The following DSE variants were observed in gnomAD, a reference collection of about 807,000 sequenced individuals.
The protein encoded by DSE is dermatan-sulfate epimerase.
Under a neutral mutation model 84.4 loss-of-function variants are expected in DSE, and 36 were observed. The observed-to-expected ratio is 0.43, with a 90% CI of 0.33 to 0.56. The LOEUF is 0.56. Ranked by LOEUF, DSE falls within the 20% of genes least tolerant of loss-of-function variation. The probability of loss-of-function intolerance (pLI) is 0.06; values close to 1 mark genes in which losing one functional copy is unlikely to be tolerated. For synonymous variants in DSE, 410 were observed against 430.1 expected (o/e 0.95, Z 0.58); for missense variants, 862 against 1,169.6 (o/e 0.74, Z 3.84).
chr6:116,293,489 T>C (rs1415459248), intron 2 of DSE, among the ~76,000 whole-genome samples: 1 of 152,094 alleles, frequency 6.6e-6, no homozygotes, highest in South Asian at 2.1e-4. Context: ...TTTGTTTTTC[T>C]TAATTCTGGA....
At chr6:116,352,849 C>T (rs1312140658) in intron 2 of DSE, among the ~76,000 whole-genome samples, 4 of 152,274 alleles carry the variant, frequency 2.6e-5, no homozygotes, top group African/African-American at 9.6e-5. Context: ...CTTTCCAGCC[C>T]ACCCCACGTA....
chr6:116,420,388 G>A (rs1662962019), intron 2 of DSE, among the ~76,000 whole-genome samples: 2 of 152,192 alleles, frequency 1.3e-5, no homozygotes, highest in Non-Finnish European at 2.9e-5. Flanking sequence ...GATAGGATAA[G>A]TGCCCTGATA....
At chr6:116,341,609 G>A (rs1777600349) in intron 2 of DSE, among the ~76,000 whole-genome samples, 1 of 152,134 alleles carries the variant, frequency 6.6e-6, no homozygotes, top group Non-Finnish European at 1.5e-5. Context: ...TTTCTTCTAG[G>A]GTTTTTATGG....
At chr6:116,266,017 G>A (rs1004993111) in intron 2 of DSE, among the ~76,000 whole-genome samples, 1 of 152,152 alleles carries the variant, frequency 6.6e-6, no homozygotes, top group African/African-American at 2.4e-5. Flanking sequence ...AGAGTAGGTT[G>A]CTCCTTGCCA....
chr6:116,356,255 C>T (rs2114865163), intron 2 of DSE, among the ~76,000 whole-genome samples: 1 of 152,232 alleles, frequency 6.6e-6, no homozygotes, highest in Middle Eastern at 3.4e-3. Flanking sequence ...CTCAGAGCAT[C>T]AAAGAGAAAT....
chr6:116,318,431 G>A (rs983245241), intron 2 of DSE, among the ~76,000 whole-genome samples: 2 of 152,046 alleles, frequency 1.3e-5, no homozygotes, highest in African/African-American at 2.4e-5. Flanking sequence ...GCATGAACCC[G>A]GGCCAAGCTT....
rs1192416656 is a variant in DSE, at chr6:116,346,539, T to C, written c.-53-52659T>C. On this transcript the variant is annotated intron_variant, in intron 2 of 3. Transcript: ENST00000430252. ...AAAACCACATGATTATCTCAATAGA[T>C]GCAGAAAAGGCCTTTGACAAAATTC... 3.3e-5 allele frequency among the ~76,000 whole-genome samples: 5 copies of C among 152,234 alleles called. No individual in the cohort carries two copies. The East Asian group carries it at 9.6e-4, about 29-fold the overall frequency.
At chr6:116,303,978 AC>A (rs767536188) in intron 2 of DSE, among the ~76,000 whole-genome samples, 3 of 151,914 alleles carry the variant, frequency 2.0e-5, no homozygotes, top group Non-Finnish European at 4.4e-5. Context: ...TACTAAAAAT[AC>A]AAAAAAACTA....
intron 2 of DSE, chr6:116,278,610 G>A: frequency 6.2e-7 from 1 of 1,614,172 alleles, no homozygotes; most frequent in Non-Finnish European, 8.5e-7. Context: ...GCAACAGGTA[G>A]TATTGCAGTG....
intron 2 of DSE, among the ~76,000 whole-genome samples, chr6:116,348,435 C>CA (rs111687814): frequency 0.18 from 25,924 of 141,832 alleles, 2,578 homozygotes; most frequent in African/African-American, 0.27. Context: ...TCAAAAAAAA[C>CA]AAAAAAAAAC....
intron 2 of DSE, among the ~76,000 whole-genome samples, chr6:116,294,423 G>A (rs1461559040): frequency 6.6e-6 from 1 of 152,218 alleles, no homozygotes; most frequent in Non-Finnish European, 1.5e-5. Context: ...TGTATTGACA[G>A]TAACAGATTC....
chr6:116,284,174 C>T (rs1773726221), intron 2 of DSE, among the ~76,000 whole-genome samples: 1 of 152,186 alleles, frequency 6.6e-6, no homozygotes, highest in Admixed American at 6.5e-5. Flanking sequence ...AATGATTTCT[C>T]AGGTAGCAAG....
chr6:116,321,449 G>C (rs1478418667), intron 2 of DSE, among the ~76,000 whole-genome samples: 1 of 150,376 alleles, frequency 6.6e-6, no homozygotes, highest in African/African-American at 2.5e-5. Flanking sequence ...ACCGAGATTT[G>C]ACAAGCATGA....
At position 116,436,322 on chromosome 6, in the gene DSE, G is replaced by A; in HGVS notation, c.1854G>A (p.Trp618Ter). Residue 618 changes from tryptophan (W) to a stop codon, truncating the protein, a stop_gained, in exon 6 of 6, where the codon TGG becomes TGA. Coordinates refer to ENST00000644252, the MANE Select transcript of DSE (RefSeq NM_013352.4). LOFTEE classifies it high-confidence loss of function. ...GAGATGGTCTCTATAAAATGTACTGGATGGACGATACTGGCTACAGCGAGA... is the reference window on the plus strand; with the variant it reads ...GAGATGGTCTCTATAAAATGTACTGAATGGACGATACTGGCTACAGCGAGA... ...RQRDGLYKMY[W>*]MDDTGYSEKA... is the part of the protein sequence containing the mutation. 4 of 1,614,164 alleles carry A rather than the reference G, an allele frequency of 2.5e-6. No individual in the cohort carries two copies. Among genetic ancestry groups the A allele is most frequent in the Non-Finnish European group, 2.5e-6 (3 of 1,180,026 alleles).
At chr6:116,319,024 G>T (rs972188720) in intron 2 of DSE, among the ~76,000 whole-genome samples, 2 of 152,162 alleles carry the variant, frequency 1.3e-5, no homozygotes, top group Non-Finnish European at 2.9e-5. Context: ...TCTAGAAATT[G>T]AGGGGAATAG....
At chr6:116,280,752 G>C (rs1299597608) in intron 2 of DSE, among the ~76,000 whole-genome samples, 1 of 152,188 alleles carries the variant, frequency 6.6e-6, no homozygotes, top group Non-Finnish European at 1.5e-5. Flanking sequence ...TGCTGTCTTA[G>C]AGAGCTACAA....
chr6:116,346,222 C>G (rs1181814380), intron 2 of DSE, among the ~76,000 whole-genome samples: 2 of 152,174 alleles, frequency 1.3e-5, no homozygotes, highest in African/African-American at 4.8e-5. Flanking sequence ...CCTTCTGAAA[C>G]TATTCCAATC....
At chr6:116,403,979 G>A (rs1291312824) in intron 2 of DSE, among the ~76,000 whole-genome samples, 1 of 152,160 alleles carries the variant, frequency 6.6e-6, no homozygotes, top group Non-Finnish European at 1.5e-5. Context: ...GGAGGGAGTG[G>A]GGGTGGTGAA....
At position 116,435,938 on chromosome 6, in the gene DSE, G is replaced by A; in HGVS notation, c.1470G>A (p.Val490=). 6.2e-7 allele frequency: 1 copy of A among 1,614,144 alleles called. No individual in the cohort carries two copies. The highest frequency in any genetic ancestry group is 8.5e-7 in the Non-Finnish European group (1 of 1,180,026). The change falls in exon 6 of 6, where the codon GTG becomes GTA. Residue 490 remains valine, a synonymous_variant. Coordinates refer to ENST00000644252, the MANE Select transcript of DSE (RefSeq NM_013352.4). ...ATGTTTTGATGTTTTCCCCAGCTGT[G>A]TCAAAGAGCTGCTTTTCTCCCTGGG... ...FNNVLMFSPA[V]SKSCFSPWVG...
Sources: allele counts gnomAD v4.1 joint callset (sites outside exome capture counted in the v4.1 genomes callset), GRCh38; gene constraint gnomAD v4.1.1; transcripts MANE v1.5; gene names NCBI Gene and HGNC (gene_info 2026-07-23, HGNC 2026-07-21).